Variants in TINAG observed in about 807,000 individuals in gnomAD.
TINAG encodes tubulointerstitial nephritis antigen.
In TINAG, 83 loss-of-function variants were observed where a neutral mutation model predicts 72.7. The observed-to-expected ratio is 1.14, with a 90% CI of 0.96 to 1.37. TINAG has a LOEUF of 1.37. Among genes scored for constraint, TINAG ranks in the 40% most tolerant of loss-of-function variants. TINAG has a pLI of 0.00. For missense variants in TINAG, 685 were observed against 576.6 expected, an observed-to-expected ratio of 1.19 and a Z score of -1.93; for synonymous variants, 234 against 189.9, an observed-to-expected ratio of 1.23 and a Z score of -1.91.
Position 54,353,450 on chromosome 6 carries a change from T to C in TINAG, c.1127-1063T>C, listed in dbSNP as rs1264939486. ...AGAACCCTGAATGAATAACTTTGTG[T>C]ACATTCTTCTAAAATCTGTAGGATT... is the stretch of plus-strand genomic sequence containing the variant. On this transcript the variant is annotated intron_variant, in intron 8 of 10. Coordinates refer to ENST00000259782, the MANE Select transcript of TINAG (RefSeq NM_014464.4). 2.0e-5 allele frequency among the ~76,000 whole-genome samples: 3 copies of C among 151,992 alleles called. No individual in the cohort carries two copies. The East Asian group carries it at 5.8e-4, about 30-fold the overall frequency.
intron 4 of TINAG, among the ~76,000 whole-genome samples, chr6:54,337,235 A>G (rs1582715849): frequency 6.8e-6 from 1 of 147,894 alleles, no homozygotes; most frequent in East Asian, 2.0e-4. Flanking sequence ...TCTACTGTTC[A>G]TGGGATTTGA....
Position 54,389,791 on chromosome 6 carries a change from A to T in TINAG, c.1297A>T (p.Ile433Phe), listed in dbSNP as rs3736352. 1 of 1,575,258 alleles carries T rather than the reference A, an allele frequency of 6.3e-7. No individual in the cohort carries two copies. Among genetic ancestry groups the T allele is most frequent in the East Asian group, 2.3e-5 (1 of 43,856 alleles). ...GAQGQKEKFW[I>F]AANSWGKSWG... ...TTTTTGTTTGTTTGTTTTTCTGCAGATTGCTGCCAATTCCTGGGGAAAGTC... is the reference window on the plus strand; with the variant it reads ...TTTTTGTTTGTTTGTTTTTCTGCAGTTTGCTGCCAATTCCTGGGGAAAGTC... Residue 433 changes from isoleucine to phenylalanine, a missense_variant and splice_region_variant, in exon 11 of 11, where the codon ATT becomes TTT. Physicochemically the swap from Ile to Phe is conservative, Grantham distance 21. Transcript: ENST00000259782.
At chr6:54,352,749 C>T (rs1481594144) in intron 8 of TINAG, among the ~76,000 whole-genome samples, 1 of 151,132 alleles carries the variant, frequency 6.6e-6, no homozygotes, top group Non-Finnish European at 1.5e-5. Context: ...CTCTCTCTCT[C>T]CCTCTTTTTA....
intron 3 of TINAG, among the ~76,000 whole-genome samples, chr6:54,323,188 A>G (rs1248620798): frequency 6.6e-6 from 1 of 152,236 alleles, no homozygotes; most frequent in Non-Finnish European, 1.5e-5. Context: ...AGCAAATATT[A>G]AAACATCACA....
intron 10 of TINAG, among the ~76,000 whole-genome samples, chr6:54,387,120 G>A (rs1056826226): frequency 6.6e-6 from 1 of 151,932 alleles, no homozygotes; most frequent in African/African-American, 2.4e-5. Flanking sequence ...TCAAGAAAAG[G>A]GGAAATCCAA....
chr6:54,367,225 T>G (rs1180698684), intron 9 of TINAG: 1 of 151,760 alleles, frequency 6.6e-6, no homozygotes, highest in Non-Finnish European at 1.5e-5. Flanking sequence ...GCAGTTCAGT[T>G]CAGCATCCTA....
intron 4 of TINAG, among the ~76,000 whole-genome samples, chr6:54,339,953 A>G (rs1784958326): frequency 6.6e-6 from 1 of 152,170 alleles, no homozygotes; most frequent in Non-Finnish European, 1.5e-5. Flanking sequence ...TACAGACTCA[A>G]TTGTAAGAAT....
At chr6:54,360,409 A>G (rs1026993548) in intron 9 of TINAG, among the ~76,000 whole-genome samples, 1 of 151,718 alleles carries the variant, frequency 6.6e-6, no homozygotes, top group Non-Finnish European at 1.5e-5. Context: ...CGATTATGGT[A>G]TGAATCCCAA....
chr6:54,316,935 G>A (rs1784385936), intron 1 of TINAG, among the ~76,000 whole-genome samples: 1 of 152,016 alleles, frequency 6.6e-6, no homozygotes, highest in Non-Finnish European at 1.5e-5. Flanking sequence ...TTTAAATGCT[G>A]TTAAAGTCAC....
intron 9 of TINAG, among the ~76,000 whole-genome samples, chr6:54,376,111 A>G (rs768062050): frequency 2.6e-5 from 4 of 152,140 alleles, no homozygotes; most frequent in Non-Finnish European, 4.4e-5. Context: ...CTACACTCCC[A>G]TGTCAAGAAG....
At chr6:54,389,551 T>C (rs750439208) in intron 10 of TINAG, among the ~76,000 whole-genome samples, 8 of 152,226 alleles carry the variant, frequency 5.3e-5, no homozygotes, top group Non-Finnish European at 8.8e-5. Context: ...CAGGCCTATG[T>C]TACCTTAGTA....
chr6:54,371,641 G>T (rs191872527), intron 9 of TINAG, among the ~76,000 whole-genome samples: 1 of 151,924 alleles, frequency 6.6e-6, no homozygotes, highest in Non-Finnish European at 1.5e-5. Context: ...GTAAGGAAAA[G>T]AGAAATGTAA....
chr6:54,315,878 A>G (rs749999139), intron 1 of TINAG, among the ~76,000 whole-genome samples: 31 of 152,276 alleles, frequency 2.0e-4, no homozygotes, highest in Middle Eastern at 3.4e-3. Context: ...TAAAAAATGT[A>G]TGTGAGTCAC....
intron 3 of TINAG, among the ~76,000 whole-genome samples, chr6:54,322,135 T>C (rs576739564): frequency 6.6e-6 from 1 of 152,068 alleles, no homozygotes; most frequent in South Asian, 2.1e-4. Flanking sequence ...TGAGACCCCA[T>C]CTCTACTAAA....
intron 10 of TINAG, among the ~76,000 whole-genome samples, chr6:54,388,882 C>T (rs1319187428): frequency 6.6e-6 from 1 of 151,932 alleles, no homozygotes; most frequent in East Asian, 1.9e-4. Flanking sequence ...TTTATTTTCT[C>T]TTATCCAATT....
At chr6:54,317,469 T>G (rs1784398625) in intron 1 of TINAG, among the ~76,000 whole-genome samples, 1 of 151,980 alleles carries the variant, frequency 6.6e-6, no homozygotes, top group Non-Finnish European at 1.5e-5. Context: ...TAAATGGGAG[T>G]TGCCCTGTAC....
intron 8 of TINAG, among the ~76,000 whole-genome samples, chr6:54,353,553 CTCT>C (rs1785318547): frequency 6.6e-6 from 1 of 151,778 alleles, no homozygotes; most frequent in Non-Finnish European, 1.5e-5. Context: ...TCTTAAAATC[CTCT>C]AGGAATGTGT....
intron 9 of TINAG, among the ~76,000 whole-genome samples, chr6:54,375,771 T>G (rs1003706319): frequency 2.6e-5 from 4 of 152,190 alleles, no homozygotes; most frequent in Non-Finnish European, 5.9e-5. Flanking sequence ...ATTCAGAATT[T>G]CATTATTTCT....
intron 10 of TINAG, among the ~76,000 whole-genome samples, chr6:54,387,771 C>T (rs1052227363): frequency 7.2e-5 from 11 of 152,048 alleles, no homozygotes; most frequent in African/African-American, 2.7e-4. Context: ...CCTTCATTGC[C>T]ACCATTTCCT....
Sources: allele counts gnomAD v4.1 joint callset (sites outside exome capture counted in the v4.1 genomes callset), GRCh38; gene constraint gnomAD v4.1.1; transcripts MANE v1.5; gene names NCBI Gene and HGNC (gene_info 2026-07-23, HGNC 2026-07-21).